MYO6: variants seen among roughly 807,000 people sequenced by gnomAD.
The protein encoded by MYO6 is unconventional myosin-VI.
In MYO6, 74 loss-of-function variants were observed where a neutral mutation model predicts 178.7. That is an observed-to-expected ratio of 0.41 (90% confidence interval 0.34 to 0.50). The LOEUF is 0.50. Among genes scored for constraint, MYO6 ranks in the 20% least tolerant of loss-of-function variants. The probability of loss-of-function intolerance (pLI) is 0.09; values close to 1 mark genes in which losing one functional copy is unlikely to be tolerated. For synonymous variants in MYO6, 477 were observed against 504.6 expected (o/e 0.95, Z 0.73); for missense variants, 1,330 against 1,547.4 (o/e 0.86, Z 2.36).
At chr6:75,904,518 A>G (rs371796663) in intron 30 of MYO6, among the ~76,000 whole-genome samples, 1 of 152,090 alleles carries the variant, frequency 6.6e-6, no homozygotes, top group Admixed American at 6.6e-5. Flanking sequence ...AGTTGATCGC[A>G]TCGGCTCCTG....
At chr6:75,753,455 GTATATA>G (rs58108910) in intron 1 of MYO6, among the ~76,000 whole-genome samples, 28 of 140,052 alleles carry the variant, frequency 2.0e-4, no homozygotes, top group Non-Finnish European at 3.5e-4. Flanking sequence ...GTGTGTGTGT[GTATATA>G]TATATATATA....
intron 20 of MYO6, 97 bp from the exon 21 acceptor site, chr6:75,879,723 C>G (rs185066426): frequency 6.4e-7 from 1 of 1,553,356 alleles, no homozygotes; most frequent in African/African-American, 1.4e-5. Flanking sequence ...ATAAATTGCC[C>G]GTTTCTAAAC....
At chr6:75,845,794 G>A (rs1774677250) in intron 10 of MYO6, among the ~76,000 whole-genome samples, 1 of 151,764 alleles carries the variant, frequency 6.6e-6, no homozygotes, top group Non-Finnish European at 1.5e-5. Context: ...AGACCAGCTC[G>A]GCCAACATGA....
At chr6:75,848,643 A>G (rs1774964924) in intron 11 of MYO6, 112 bp downstream of exon 11, 3 of 990,386 alleles carry the variant, frequency 3.0e-6, no homozygotes, top group Non-Finnish European at 4.5e-6. Context: ...TTTAAGAAAT[A>G]TCTAAAATAT....
At chr6:75,834,650 T>C (rs1234562708) in intron 6 of MYO6, among the ~76,000 whole-genome samples, 1 of 152,202 alleles carries the variant, frequency 6.6e-6, no homozygotes, top group African/African-American at 2.4e-5. Flanking sequence ...GAACTACTGC[T>C]AGGAGCAGCA....
chr6:75,916,144 A>C lies in MYO6; in HGVS notation c.*1132A>C, dbSNP rs1400125788. On this transcript the variant is annotated 3_prime_UTR_variant, in exon 35 of 35. Transcript: ENST00000369977. ...TAATATTTATGACTTTCACATTTGGAATTTAAAGACAAAAATACATCAAGG... is the reference window on the plus strand; with the variant it reads ...TAATATTTATGACTTTCACATTTGGCATTTAAAGACAAAAATACATCAAGG... 6 of 151,944 alleles carry C rather than the reference A, an allele frequency of 3.9e-5. No individual in the cohort carries two copies. The East Asian group carries it at 1.2e-3, about 30-fold the overall frequency. 9.4% of individuals were successfully genotyped at this position (151,944 alleles called of 1,614,324 possible). A position where few individuals can be genotyped will look rare whatever the true frequency, so the allele number is the denominator to read the frequency against.
intron 11 of MYO6, among the ~76,000 whole-genome samples, chr6:75,854,518 A>T (rs1195478524): frequency 2.6e-5 from 4 of 152,044 alleles, no homozygotes; most frequent in Non-Finnish European, 4.4e-5. Context: ...AATTCAGCTC[A>T]TCATGTATAT....
chr6:75,902,193 G>T (rs1305708451), intron 30 of MYO6, among the ~76,000 whole-genome samples: 2 of 151,948 alleles, frequency 1.3e-5, no homozygotes, highest in Non-Finnish European at 2.9e-5. Context: ...TCTCTTTTTT[G>T]GTTGTGTCTC....
rs377501057 is a variant in MYO6, at chr6:75,835,982, G to A, written c.553+26G>A. 3.5e-5 allele frequency: 54 copies of A among 1,521,854 alleles called. No homozygotes were observed. In the African/African-American group the frequency reaches 5.3e-4, roughly 15 times the overall value. 94.3% of individuals were successfully genotyped at this position (1,521,854 alleles called of 1,614,324 possible). A position where few individuals can be genotyped will look rare whatever the true frequency, so the allele number is the denominator to read the frequency against. On this transcript the variant is annotated intron_variant, in intron 7 of 34. Coordinates refer to ENST00000369977, the MANE Select transcript of MYO6 (RefSeq NM_004999.4). ...GTATTGCTAATTTTTCAGTTGTTAC[G>A]CGTGTACTGAAATTAATTTACAAGA... is the stretch of plus-strand genomic sequence containing the variant.
intron 23 of MYO6, 149 bp from the exon 24 acceptor site, chr6:75,885,855 A>G (rs1270299527): frequency 6.5e-6 from 4 of 612,490 alleles, no homozygotes; most frequent in African/African-American, 1.9e-5. Flanking sequence ...AAAGGTGTTA[A>G]AACTTTGTTT....
At chr6:75,817,136 T>C (rs1026070568) in intron 1 of MYO6, among the ~76,000 whole-genome samples, 4 of 152,022 alleles carry the variant, frequency 2.6e-5, no homozygotes, top group Non-Finnish European at 5.9e-5. Flanking sequence ...AAATCCCATC[T>C]CTACTAAAAA....
rs1295614529 is a variant in MYO6, at chr6:75,887,197, CA to C, written c.2658+205del. 5.9e-5 allele frequency among the ~76,000 whole-genome samples: 9 copies of C among 152,078 alleles called. No individual in the cohort carries two copies. The South Asian group carries it at 1.9e-3, about 32-fold the overall frequency. On this transcript the variant is annotated intron_variant, in intron 25 of 34. Transcript: ENST00000369977. ...TTTCATAGCAAAAAGTTAAAGAAGA[CA>C]ATTTTTATGCCATTTCTTCTGTTGC...
At chr6:75,871,993 G>A (rs1777193749) in intron 19 of MYO6, among the ~76,000 whole-genome samples, 1 of 152,034 alleles carries the variant, frequency 6.6e-6, no homozygotes, top group Non-Finnish European at 1.5e-5. Flanking sequence ...GCTGGGCATG[G>A]TGGGGCGCAC....
At chr6:75,898,821 A>C (rs926483528) in intron 30 of MYO6, among the ~76,000 whole-genome samples, 1 of 152,194 alleles carries the variant, frequency 6.6e-6, no homozygotes, top group African/African-American at 2.4e-5. Flanking sequence ...TAGAGGAAGA[A>C]CATGACTCTT....
chr6:75,908,755 C>T (rs954854851), intron 32 of MYO6, 128 bp downstream of exon 32: 3 of 887,774 alleles, frequency 3.4e-6, no homozygotes, highest in Non-Finnish European at 5.4e-6. Context: ...AGCCATTGAA[C>T]CTAATACAGC....
chr6:75,831,764 C>T (rs1773115501), intron 5 of MYO6, among the ~76,000 whole-genome samples: 1 of 151,834 alleles, frequency 6.6e-6, no homozygotes, highest in Non-Finnish European at 1.5e-5. Flanking sequence ...CATGTGCTTG[C>T]CTATAGTCCC....
chr6:75,843,027 C>T (rs750465539), intron 9 of MYO6, among the ~76,000 whole-genome samples: 1 of 152,128 alleles, frequency 6.6e-6, no homozygotes, highest in Admixed American at 6.6e-5. Flanking sequence ...AGGGGAACAG[C>T]GTTGCATACA....
rs924901739 is a variant in MYO6, at chr6:75,890,312, A to G, written c.2867+47A>G. On this transcript the variant is annotated intron_variant, in intron 26 of 34. Transcript: ENST00000369977. ...GAATAAGAGACTTAAAGAAATAGTG[A>G]ATTCTTGGTATTGACAGTGGTTAAT... 14 of 1,609,870 alleles carry G rather than the reference A, an allele frequency of 8.7e-6. No individual in the cohort carries two copies. The African/African-American group carries it at 1.6e-4, about 18-fold the overall frequency.
rs141224091 is a variant in MYO6 at position 75,752,502 on chromosome 6, G to A, written c.-48+3079G>A. 1.2e-4 allele frequency among the ~76,000 whole-genome samples: 18 copies of A among 152,340 alleles called. No individual in the cohort carries two copies. The East Asian group carries it at 1.3e-3, about 11-fold the overall frequency. ...TAAATGCTTGCTCCAGAAGGGCAAA[G>A]TCTGGATTCACACCTGAGTCATTTG... On this transcript the variant is annotated intron_variant, in intron 1 of 34. Coordinates refer to ENST00000369977, the MANE Select transcript of MYO6 (RefSeq NM_004999.4).
Sources: allele counts gnomAD v4.1 joint callset (sites outside exome capture counted in the v4.1 genomes callset), GRCh38; gene constraint gnomAD v4.1.1; transcripts MANE v1.5; gene names NCBI Gene and HGNC (gene_info 2026-07-23, HGNC 2026-07-21).